KIF16B: variants seen among roughly 807,000 people sequenced by gnomAD.
KIF16B encodes the protein kinesin family member 16B, also known as kinesin-like protein KIF16B.
Under a neutral mutation model 156.3 loss-of-function variants are expected in KIF16B, and 98 were observed. The ratio of observed to expected loss-of-function variants is 0.63; its 90% confidence interval spans 0.53 to 0.74. The LOEUF is 0.74. KIF16B is among the 30% of genes least tolerant of loss of function. The pLI, the probability that KIF16B is intolerant of heterozygous loss-of-function variation, is 0.00. For synonymous variants in KIF16B, 564 were observed against 583.7 expected, an observed-to-expected ratio of 0.97 and a Z score of 0.49; for missense variants, 1,421 against 1,606.5, an observed-to-expected ratio of 0.88 and a Z score of 1.97.
intron 17 of KIF16B, among the ~76,000 whole-genome samples, chr20:16,403,090 A>T (rs199713184): frequency 1.3e-5 from 2 of 152,344 alleles, no homozygotes; most frequent in East Asian, 3.9e-4. Context: ...TACATTAGCA[A>T]ATGGCTTCAC....
chr20:16,463,568 G>A (rs953294294), intron 12 of KIF16B, among the ~76,000 whole-genome samples: 2 of 151,952 alleles, frequency 1.3e-5, no homozygotes, highest in African/African-American at 2.4e-5. Flanking sequence ...ACACACACAC[G>A]ATAAAAATGC....
In KIF16B at chr20:16,374,442, T is replaced by C. The variant is rs376367199; in HGVS notation, c.3198-33A>G. ...GATAGGAGCCACATAATTCATTCAT[T>C]AATAGTATTTCCCGAGCATCCTTAC... On this transcript the variant is annotated intron_variant, in intron 19 of 25. Coordinates refer to ENST00000354981, the MANE Select transcript of KIF16B (RefSeq NM_024704.5). The C allele has an allele frequency of 5.4e-6, 8 of 1,473,926 alleles. No homozygotes were observed. The African/African-American group carries it at 8.4e-5, about 16-fold the overall frequency. The allele number at this position is 1,473,926 out of a possible 1,614,324, so 91.3% of individuals were successfully genotyped here.
At chr20:16,381,242 G>A (rs1302660351) in intron 18 of KIF16B, among the ~76,000 whole-genome samples, 1 of 152,028 alleles carries the variant, frequency 6.6e-6, no homozygotes, top group East Asian at 1.9e-4. Context: ...AATAAGAAAA[G>A]CAAATTATAC....
At chr20:16,520,328 T>C (rs931178059) in intron 3 of KIF16B, among the ~76,000 whole-genome samples, 3 of 152,228 alleles carry the variant, frequency 2.0e-5, no homozygotes, top group African/African-American at 7.2e-5. Flanking sequence ...CCTGGGATGC[T>C]TGAGCTTAGT....
chr20:16,380,766 A>C (rs1031273711), intron 18 of KIF16B, among the ~76,000 whole-genome samples: 3 of 152,220 alleles, frequency 2.0e-5, no homozygotes, highest in Admixed American at 6.5e-5. Flanking sequence ...GGAATATACA[A>C]AATGCATAAT....
chr20:16,448,914 T>C (rs919508196), intron 12 of KIF16B, among the ~76,000 whole-genome samples: 14 of 139,532 alleles, frequency 1.0e-4, no homozygotes, highest in African/African-American at 3.5e-4. Flanking sequence ...GAGGAAACAA[T>C]TGACATGTGA....
At chr20:16,367,548 A>G in intron 22 of KIF16B, 1 of 1,612,868 alleles carries the variant, frequency 6.2e-7, no homozygotes, top group Non-Finnish European at 8.5e-7. Context: ...GGTCATGGCC[A>G]GAGTCACCCA....
chr20:16,392,009 C>T (rs2146171671), intron 17 of KIF16B, among the ~76,000 whole-genome samples: 1 of 152,334 alleles, frequency 6.6e-6, no homozygotes, highest in Non-Finnish European at 1.5e-5. Context: ...ATGGTGTCAA[C>T]CGATGTCCAT....
chr20:16,493,392 G>A (rs1392723556), intron 12 of KIF16B, among the ~76,000 whole-genome samples: 13 of 152,208 alleles, frequency 8.5e-5, no homozygotes. Flanking sequence ...AGTTTACCCT[G>A]TGAAACAGTA....
chr20:16,491,967 A>T (rs2068306849), intron 12 of KIF16B, among the ~76,000 whole-genome samples: 1 of 152,174 alleles, frequency 6.6e-6, no homozygotes, highest in African/African-American at 2.4e-5. Context: ...TTTCAAGAGC[A>T]ATTCTGACTT....
intron 15 of KIF16B, among the ~76,000 whole-genome samples, chr20:16,419,235 TC>T (rs2146363428): frequency 6.6e-6 from 1 of 152,188 alleles, no homozygotes; most frequent in South Asian, 2.1e-4. Flanking sequence ...GTGACAGATG[TC>T]ATATTTGCAG....
chr20:16,398,084 T>A (rs975674326), intron 17 of KIF16B, among the ~76,000 whole-genome samples: 3 of 152,190 alleles, frequency 2.0e-5, no homozygotes, highest in Non-Finnish European at 4.4e-5. Flanking sequence ...ACAAAATGCC[T>A]GCGAGAGGAT....
chr20:16,562,763 T>C (rs1337323046), intron 1 of KIF16B, among the ~76,000 whole-genome samples: 1 of 152,154 alleles, frequency 6.6e-6, no homozygotes, highest in Non-Finnish European at 1.5e-5. Flanking sequence ...AAATGGGGAA[T>C]GTTAGCAAGC....
intron 25 of KIF16B, among the ~76,000 whole-genome samples, chr20:16,306,262 AT>A (rs778033179): frequency 3.3e-5 from 5 of 152,086 alleles, no homozygotes; most frequent in Admixed American, 2.0e-4. Flanking sequence ...ATTGATACTT[AT>A]CTATTTCTTT....
At chr20:16,474,225 C>A (rs1190767916) in intron 12 of KIF16B, among the ~76,000 whole-genome samples, 1 of 152,194 alleles carries the variant, frequency 6.6e-6, no homozygotes, top group Non-Finnish European at 1.5e-5. Context: ...GTTGACCACG[C>A]CCCCCTTTGT....
At chr20:16,541,164 C>T (rs1393962944) in intron 1 of KIF16B, among the ~76,000 whole-genome samples, 1 of 152,182 alleles carries the variant, frequency 6.6e-6, no homozygotes, top group Non-Finnish European at 1.5e-5. Flanking sequence ...GAAATCTGTG[C>T]ACAGCCTGTG....
intron 22 of KIF16B, among the ~76,000 whole-genome samples, chr20:16,366,171 T>C (rs2064662010): frequency 6.6e-6 from 1 of 151,780 alleles, no homozygotes; most frequent in Non-Finnish European, 1.5e-5. Context: ...GACTACTGGG[T>C]GGAGCTTCAT....
chr20:16,485,662 A>G lies in KIF16B; in HGVS notation c.1302+8629T>C, dbSNP rs562919718. Among the ~76,000 whole-genome samples the G allele has an allele frequency of 2.0e-5, 3 of 152,342 alleles. No homozygotes were observed. The East Asian group carries it at 5.8e-4, about 29-fold the overall frequency. ...AACTTCTGCAGTAATGTACAGCCAC[A>G]CTGGGCCTTTAAAACCAACCATTCA... On this transcript the variant is annotated intron_variant, in intron 12 of 25. Transcript: ENST00000354981.
At chr20:16,498,050 C>T (rs138998993) in intron 10 of KIF16B, among the ~76,000 whole-genome samples, 2 of 152,210 alleles carry the variant, frequency 1.3e-5, no homozygotes, top group South Asian at 2.1e-4. Flanking sequence ...CTTGCTTAAC[C>T]GCAGGCTTCT....
Sources: gnomAD v4.1 joint callset for allele counts (sites outside exome capture counted in the v4.1 genomes callset) on GRCh38, gnomAD v4.1.1 for gene constraint, MANE v1.5 for transcripts, NCBI Gene and HGNC (gene_info 2026-07-23, HGNC 2026-07-21) for gene names.